PLA2G4C: variants seen among roughly 807,000 people sequenced by gnomAD.
PLA2G4C encodes the protein phospholipase A2 group IVC, also known as cytosolic phospholipase A2 gamma.
PLA2G4C carries 64 observed loss-of-function variants against 73.8 expected under a neutral mutation model. The ratio of observed to expected loss-of-function variants is 0.87; its 90% CI spans 0.71 to 1.07. The LOEUF (loss-of-function observed/expected upper bound fraction) is 1.07. Among genes scored for constraint, PLA2G4C ranks in the 50% least tolerant of loss-of-function variants. The pLI is 0.00. For missense variants in PLA2G4C, 622 were observed against 665.4 expected (o/e 0.93, Z 0.72); for synonymous variants, 254 against 252.1 (o/e 1.01, Z -0.07).
chr19:48,106,782 G>A (rs1364447360), intron 1 of PLA2G4C: 5 of 558,720 alleles, frequency 8.9e-6, no homozygotes, highest in Non-Finnish European at 1.6e-5. Flanking sequence ...GCGTCTCTCT[G>A]AAAATTTGGA....
rs772494747 is a variant in PLA2G4C, at chr19:48,104,692, TC to T, written c.152del (p.Gly51GlufsTer13). 6.2e-7 allele frequency: 1 copy of T among 1,614,032 alleles called. No individual in the cohort carries two copies. The highest frequency in any genetic ancestry group is 2.2e-5 in the East Asian group (1 of 44,864). On this transcript the variant is annotated frameshift_variant, in exon 4 of 17. Coordinates refer to ENST00000599921, the MANE Select transcript of PLA2G4C (RefSeq NM_003706.3). LOFTEE classifies it high-confidence loss of function. Reference sequence around the variant, plus strand: ...GGCAGGCAATGTGAGCCCGCAGTCCTCCGCCTGAGCCCAGCACAGCAACAAC... The same window carrying T: ...GGCAGGCAATGTGAGCCCGCAGTCCTCGCCTGAGCCCAGCACAGCAACAAC... ...APVVAVLGSG[G>X]GLRAHIACLG...
intron 4 of PLA2G4C, among the ~76,000 whole-genome samples, chr19:48,102,708 T>C (rs1311985892): frequency 6.6e-6 from 1 of 152,186 alleles, no homozygotes; most frequent in East Asian, 1.9e-4. Flanking sequence ...TTGACTCTGA[T>C]GAGGCCTTTC....
chr19:48,104,302 A>G (rs949868507), intron 4 of PLA2G4C: 6 of 333,074 alleles, frequency 1.8e-5, no homozygotes, highest in Non-Finnish European at 3.3e-5. Flanking sequence ...AAGCTGTGGG[A>G]AACCCCAAAC....
chr19:48,100,603 T>TAAAAA (rs745962740), intron 4 of PLA2G4C, among the ~76,000 whole-genome samples: 6 of 40,682 alleles, frequency 1.5e-4, no homozygotes, highest in Non-Finnish European at 2.0e-4. Flanking sequence ...TGACTCCATC[T>TAAAAA]AAAAAAAAAA....
intron 9 of PLA2G4C, among the ~76,000 whole-genome samples, chr19:48,087,959 G>C (rs146448215): frequency 6.7e-6 from 1 of 149,578 alleles, no homozygotes; most frequent in South Asian, 2.1e-4. Flanking sequence ...AAAAAATCTC[G>C]ATGCAACTCA....
At chr19:48,084,965 A>T (rs2030886119) in intron 10 of PLA2G4C, 94 bp downstream of exon 10, 2 of 859,608 alleles carry the variant, frequency 2.3e-6, no homozygotes, top group African/African-American at 3.3e-5. Flanking sequence ...CATTATACAC[A>T]GGCCTCTTTT....
At chr19:48,077,995 G>T (rs11564597) in intron 10 of PLA2G4C, among the ~76,000 whole-genome samples, 171 bp from the exon 11 acceptor site, 1 of 152,032 alleles carries the variant, frequency 6.6e-6, no homozygotes, top group Non-Finnish European at 1.5e-5. Context: ...CTCTGTGCTC[G>T]CTGACCTCAT....
chr19:48,053,789 C>A (rs1375470024), intron 15 of PLA2G4C, among the ~76,000 whole-genome samples: 2 of 152,126 alleles, frequency 1.3e-5, no homozygotes, highest in Non-Finnish European at 2.9e-5. Context: ...CACAATTTAT[C>A]CCTAATGGGA....
intron 1 of PLA2G4C, chr19:48,109,057 T>A (rs979402356): frequency 5.3e-5 from 8 of 152,212 alleles, no homozygotes; most frequent in African/African-American, 1.9e-4. Flanking sequence ...TTTTGGCCTC[T>A]GCACTAGAAT....
intron 11 of PLA2G4C, among the ~76,000 whole-genome samples, 186 bp downstream of exon 11, chr19:48,077,585 T>C (rs1956917865): frequency 6.6e-6 from 1 of 152,170 alleles, no homozygotes; most frequent in Non-Finnish European, 1.5e-5. Context: ...GAGTGTCAGT[T>C]TGAACTCCGA....
At chr19:48,074,584 A>G in intron 12 of PLA2G4C, 183 bp downstream of exon 12, 1 of 605,294 alleles carries the variant, frequency 1.7e-6, no homozygotes, top group South Asian at 1.9e-5. Flanking sequence ...GGTTGAACTA[A>G]TTTACATTGG....
At position 48,053,161 on chromosome 19, in the gene PLA2G4C, A is replaced by G; in HGVS notation, c.1430-14T>C. On this transcript the variant is annotated splice_polypyrimidine_tract_variant and intron_variant, in intron 15 of 16. Coordinates refer to ENST00000599921, the MANE Select transcript of PLA2G4C (RefSeq NM_003706.3). ...CCTCAATATCACCTGAAGCATAACC[A>G]AACCAACAAAGAAAAGGCATCATGA... 6.4e-7 allele frequency: 1 copy of G among 1,552,638 alleles called. No individual in the cohort carries two copies. Among genetic ancestry groups the G allele is most frequent in the Non-Finnish European group, 8.8e-7 (1 of 1,141,700 alleles).
At chr19:48,089,901 A>G (rs905571002) in intron 8 of PLA2G4C, among the ~76,000 whole-genome samples, 1 of 152,198 alleles carries the variant, frequency 6.6e-6, no homozygotes, top group Non-Finnish European at 1.5e-5. Flanking sequence ...GGTGGATCTC[A>G]GCAAAATGGA....
intron 12 of PLA2G4C, among the ~76,000 whole-genome samples, chr19:48,070,462 A>AT (rs1568431795): frequency 6.6e-6 from 1 of 152,226 alleles, no homozygotes; most frequent in East Asian, 1.9e-4. Context: ...TTGCAGCACT[A>AT]TTCACAATAG....
intron 14 of PLA2G4C, among the ~76,000 whole-genome samples, chr19:48,059,580 G>A (rs1454030700): frequency 1.3e-5 from 2 of 152,050 alleles, no homozygotes; most frequent in East Asian, 1.9e-4. Flanking sequence ...GACAGAAGAA[G>A]GTGGGAGAAG....
At position 48,110,531 on chromosome 19, in the gene PLA2G4C, T is replaced by TGCTCCGGAATCCGGGGCGGAGGCTTGG. The variant is rs1555757407; in HGVS notation, c.-78_-77insCCAAGCCTCCGCCCCGGATTCCGGAGC. 2.1e-5 allele frequency: 29 copies of TGCTCCGGAATCCGGGGCGGAGGCTTGG among 1,387,012 alleles called. No homozygotes were observed. Among genetic ancestry groups the TGCTCCGGAATCCGGGGCGGAGGCTTGG allele is most frequent in the Non-Finnish European group, 2.7e-5 (28 of 1,049,692 alleles). The allele number at this position is 1,387,012 out of a possible 1,614,324, so 85.9% of individuals were successfully genotyped here. ...GTGTGCGCATGCGCGGTGGAGCTTG[T>TGCTCCGGAATCCGGGGCGGAGGCTTGG]GCTCCGGAATCCGGTGCGGAGGCTT... On this transcript the variant is annotated 5_prime_UTR_variant, in exon 1 of 17. Transcript: ENST00000599921.
At chr19:48,053,884 C>G (rs139289650) in intron 15 of PLA2G4C, among the ~76,000 whole-genome samples, 1 of 152,164 alleles carries the variant, frequency 6.6e-6, no homozygotes, top group Non-Finnish European at 1.5e-5. Flanking sequence ...GACCACCCAT[C>G]CTGGATGCTA....
At chr19:48,053,194 C>T (rs992266930) in intron 15 of PLA2G4C, 47 bp from the exon 16 acceptor site, 1 of 1,439,628 alleles carries the variant, frequency 6.9e-7, no homozygotes. Context: ...TGAGTTTGGA[C>T]AATTAATTCT....
At chr19:48,093,056 T>C (rs73054003) in intron 7 of PLA2G4C, among the ~76,000 whole-genome samples, 52 of 151,612 alleles carry the variant, frequency 3.4e-4, no homozygotes, top group Non-Finnish European at 6.6e-4. Context: ...TACCTGGGAG[T>C]GACAATTTCA....
Sources: gnomAD v4.1 joint callset for allele counts (sites outside exome capture counted in the v4.1 genomes callset) on GRCh38, gnomAD v4.1.1 for gene constraint, MANE v1.5 for transcripts, NCBI Gene and HGNC (gene_info 2026-07-23, HGNC 2026-07-21) for gene names.